The following DDX54 variants were observed in gnomAD, a reference collection of about 807,000 sequenced individuals.
The protein encoded by DDX54 is ATP-dependent RNA helicase DDX54.
DDX54 carries 67 observed loss-of-function variants against 105.5 expected under a neutral mutation model. The ratio of observed to expected loss-of-function variants is 0.64; its 90% CI spans 0.52 to 0.78. DDX54 has a LOEUF of 0.78. DDX54 is among the 30% of genes least tolerant of loss of function. DDX54 has a pLI of 0.00. For missense variants in DDX54, 1,206 were observed against 1,230.5 expected (o/e 0.98, Z 0.30); for synonymous variants, 514 against 509.9 (o/e 1.01, Z -0.11).
chr12:113,174,825 C>CA lies in DDX54; in HGVS notation c.936+49dup, dbSNP rs547578482. ...TTACGGGGTCCTGGCCCAGGGCCTG[C>CA]AGGGCCCACCTGGACACAACCTCCT... On this transcript the variant is annotated intron_variant, in intron 9 of 19. Coordinates refer to ENST00000306014, the MANE Select transcript of DDX54 (RefSeq NM_024072.4). 1.7e-4 allele frequency: 280 copies of CA among 1,614,214 alleles called. 1 individual carries two copies. The African/African-American group carries it at 3.4e-3, about 20-fold the overall frequency.
chr12:113,169,607 C>T (rs1952311762), intron 12 of DDX54, among the ~76,000 whole-genome samples, 163 bp downstream of exon 12: 1 of 152,052 alleles, frequency 6.6e-6, no homozygotes, highest in African/African-American at 2.4e-5. Flanking sequence ...GGCAACAGAG[C>T]GAGGCTCTGT....
At chr12:113,161,477 G>C in intron 18 of DDX54, 95 bp from the exon 19 acceptor site, 1 of 1,009,292 alleles carries the variant, frequency 9.9e-7, no homozygotes, top group Non-Finnish European at 1.5e-6. Context: ...CGTTATCCCA[G>C]CCGCAGCTGA....
intron 1 of DDX54, among the ~76,000 whole-genome samples, chr12:113,183,489 G>A (rs879655906): frequency 6.6e-6 from 1 of 152,284 alleles, no homozygotes; most frequent in Non-Finnish European, 1.5e-5. Context: ...CTGCCTTGGA[G>A]TGTGATCCTT....
chr12:113,178,214 G>A (rs1296631851), intron 5 of DDX54, among the ~76,000 whole-genome samples: 1 of 152,200 alleles, frequency 6.6e-6, no homozygotes, highest in Non-Finnish European at 1.5e-5. Context: ...TCCAGCCAGG[G>A]TGACAGAGCG....
At chr12:113,179,832 A>C in intron 3 of DDX54, 103 bp downstream of exon 3, 7 of 1,329,674 alleles carry the variant, frequency 5.3e-6, no homozygotes, top group Non-Finnish European at 7.5e-6. Context: ...TAAAGGGGGC[A>C]GGAGATGTGA....
intron 10 of DDX54, 61 bp from the exon 11 acceptor site, chr12:113,172,624 G>GCCC (rs1952354798): frequency 6.3e-7 from 1 of 1,579,026 alleles, no homozygotes; most frequent in Non-Finnish European, 8.6e-7. Context: ...AGGAAAGGAA[G>GCCC]CCAGACCATG....
rs1952141649 is a variant in DDX54 at position 113,157,442 on chromosome 12, G to A, written c.*1435C>T. On this transcript the variant is annotated 3_prime_UTR_variant, in exon 20 of 20. Transcript: ENST00000306014. ...GCTTTCAAAACCCAGAACGGTTTAGGATCTCAGTCACCACCTCTGGGAACC... is the reference window on the plus strand; with the variant it reads ...GCTTTCAAAACCCAGAACGGTTTAGAATCTCAGTCACCACCTCTGGGAACC... 2 of 640,900 alleles carry A rather than the reference G, an allele frequency of 3.1e-6. No homozygotes were observed. The highest frequency in any genetic ancestry group is 5.5e-6 in the Non-Finnish European group (2 of 364,632). 39.7% of individuals were successfully genotyped at this position (640,900 alleles called of 1,614,324 possible).
At chr12:113,169,722 G>A in intron 12 of DDX54, 48 bp downstream of exon 12, 1 of 1,595,956 alleles carries the variant, frequency 6.3e-7, no homozygotes, top group Non-Finnish European at 8.6e-7. Context: ...CCAAAACAGG[G>A]CCCATGAACT....
At chr12:113,185,181 G>GC in intron 1 of DDX54, 97 bp downstream of exon 1, 1 of 1,392,800 alleles carries the variant, frequency 7.2e-7, no homozygotes, top group Non-Finnish European at 9.3e-7. Context: ...CCCACACTCT[G>GC]CGGAGCCCAA....
intron 11 of DDX54, among the ~76,000 whole-genome samples, chr12:113,171,457 A>G (rs2136320226): frequency 6.6e-6 from 1 of 152,200 alleles, no homozygotes; most frequent in Non-Finnish European, 1.5e-5. Context: ...ACAAAAAATT[A>G]GCTGGGCCTG....
rs1278041673 is a variant in DDX54 at position 113,158,982 on chromosome 12, G to A, written c.2541C>T (p.Leu847=). 1 of 1,611,380 alleles carries A rather than the reference G, an allele frequency of 6.2e-7. No homozygotes were observed. The highest frequency in any genetic ancestry group is 1.3e-5 in the African/African-American group (1 of 75,034). The change falls in exon 20 of 20, where the codon CTC becomes CTT. Residue 847 remains leucine, a synonymous_variant. Transcript: ENST00000306014. This position sits in a 1 kb window ranked among gnomAD's most constrained non-coding sequence, Gnocchi z 4.9. ...QKLHFLQRGG[L]KQLSARNRRR... ...GGCGGTTGCGGGCAGAGAGCTGCTT[G>A]AGGCCACCACGCTGCAGGAAGTGCA... is the stretch of plus-strand genomic sequence containing the variant.
intron 5 of DDX54, chr12:113,177,378 T>C: frequency 2.6e-6 from 1 of 382,398 alleles, no homozygotes; most frequent in Non-Finnish European, 4.7e-6. Flanking sequence ...GCAACAAAGC[T>C]GCCTTCCACC....
In DDX54 at chr12:113,165,958, T is replaced by C; in HGVS notation, c.1489A>G (p.Ser497Gly). The change falls in exon 13 of 20, where the codon AGC becomes GGC. Residue 497 changes from serine to glycine, a missense_variant. By Grantham distance (56) the Ser-to-Gly change is moderately conservative (BLOSUM62 0). Around this residue, in one of 3 missense-constraint regions of DDX54, gnomAD observed 961 missense variants for 1,019.1 expected, o/e 0.94. Coordinates refer to ENST00000306014, the MANE Select transcript of DDX54 (RefSeq NM_024072.4). Reference protein sequence around the residue: ...VVDEEDSGLQSTLEASLELRG... With the variant: ...VVDEEDSGLQGTLEASLELRG... ...AGCTCCAGCGATGCCTCCAGGGTGC[T>C]CTGCAGACCACTGTCCTCCTCGTCC... 6.8e-6 allele frequency: 11 copies of C among 1,613,506 alleles called. No individual in the cohort carries two copies. The highest frequency in any genetic ancestry group is 8.5e-6 in the Non-Finnish European group (10 of 1,180,018).
In DDX54 at chr12:113,185,376, G is replaced by A; in HGVS notation, c.76C>T (p.Leu26Phe). The A allele has an allele frequency of 6.4e-7, 1 of 1,570,226 alleles. No homozygotes were observed. The highest frequency in any genetic ancestry group is 2.4e-5 in the East Asian group (1 of 42,074). The change falls in exon 1 of 20, where the codon CTC becomes TTC. Residue 26 changes from leucine to phenylalanine, a missense_variant. Around this residue, in one of 3 missense-constraint regions of DDX54, gnomAD observed 212 missense variants for 155.4 expected, o/e 1.36. Coordinates refer to ENST00000306014, the MANE Select transcript of DDX54 (RefSeq NM_024072.4). Reference protein sequence around the residue: ...AMAQWRKKKGLRKRRGAASQA... With the variant: ...AMAQWRKKKGFRKRRGAASQA... ...GAGGCCGCGCCTCGGCGCTTCCGGA[G>A]CCCTTTCTTCTTCCTCCACTGGGCC...
At position 113,163,309 on chromosome 12, in the gene DDX54, C is replaced by A; in HGVS notation, c.1939-35G>T. 1 of 1,590,416 alleles carries A rather than the reference C, an allele frequency of 6.3e-7. No individual in the cohort carries two copies. ...CACAGACCAAGGCCCAGTGTCATGC[C>A]TGCTGCCCCCTGGGGACTTCCCCCT... is the stretch of plus-strand genomic sequence containing the variant. On this transcript the variant is annotated intron_variant, in intron 15 of 19. Coordinates refer to ENST00000306014, the MANE Select transcript of DDX54 (RefSeq NM_024072.4). The surrounding 1 kb of genome is among the most constrained non-coding windows in gnomAD (Gnocchi z 5.9).
intron 1 of DDX54, 24 bp downstream of exon 1, chr12:113,185,254 T>G (rs779656404): frequency 2.1e-5 from 31 of 1,493,892 alleles, no homozygotes; most frequent in Non-Finnish European, 2.6e-5. Flanking sequence ...GGCCCGAACA[T>G]GCGTCCCAGC....
In DDX54 at chr12:113,159,003, G is replaced by A; in HGVS notation, c.2520C>T (p.His840=). The change falls in exon 20 of 20, where the codon CAC becomes CAT. Residue 840 remains histidine, a synonymous_variant. Transcript: ENST00000306014. ...GCTTGAGGCCACCACGCTGCAGGAA[G>A]TGCAGCTTCTGGGCCCGGCGCCGCT... ...LKQRRRAQKL[H]FLQRGGLKQL... 6.2e-7 allele frequency: 1 copy of A among 1,611,896 alleles called. No homozygotes were observed. The highest frequency in any genetic ancestry group is 1.1e-5 in the South Asian group (1 of 90,732).
chr12:113,174,843 A>C, intron 9 of DDX54, 32 bp downstream of exon 9: 1 of 1,614,156 alleles, frequency 6.2e-7, no homozygotes, highest in African/African-American at 1.3e-5. Context: ...ACCTGGACAC[A>C]ACCTCCTGGG....
Position 113,163,260 on chromosome 12 carries a change from C to G in DDX54, c.1953G>C (p.Glu651Asp). ...AGESVEDIFSEVVGRKRQRSG... is the reference protein window; with the variant it reads ...AGESVEDIFSDVVGRKRQRSG... ...ACCGCTGCCGCTTCCGGCCCACGAC[C>G]TCTGAGAAAATGTCCTGGCAGAGCA... is the stretch of plus-strand genomic sequence containing the variant. The change falls in exon 16 of 20, where the codon GAG becomes GAC. Residue 651 changes from glutamate (E) to aspartate (D), a missense_variant. This residue lies in a region of DDX54 where 961 missense variants were observed against 1,019.1 expected (regional missense o/e 0.94). Coordinates refer to ENST00000306014, the MANE Select transcript of DDX54 (RefSeq NM_024072.4). This position sits in a 1 kb window ranked among gnomAD's most constrained non-coding sequence, Gnocchi z 5.9. The G allele has an allele frequency of 6.2e-7, 1 of 1,609,480 alleles. No homozygotes were observed. Among genetic ancestry groups the G allele is most frequent in the Non-Finnish European group, 8.5e-7 (1 of 1,179,904 alleles).
Sources: gnomAD v4.1 joint callset for allele counts (sites outside exome capture counted in the v4.1 genomes callset) on GRCh38, gnomAD v4.1.1 for gene constraint, gnomAD v4.1.1 regional missense constraint, Gnocchi (gnomAD v3.1) non-coding constraint, MANE v1.5 for transcripts, NCBI Gene and HGNC (gene_info 2026-07-23, HGNC 2026-07-21) for gene names.